Variants in SNTB2 observed in about 807,000 individuals in gnomAD.
SNTB2 encodes the protein beta-2-syntrophin.
Under a neutral mutation model 46.2 loss-of-function variants are expected in SNTB2, and 34 were observed. The observed-to-expected ratio is 0.74, with a 90% CI of 0.56 to 0.98. The LOEUF (loss-of-function observed/expected upper bound fraction) is 0.98, where lower values mean the gene tolerates loss of function less well. Ranked by LOEUF, SNTB2 falls within the 50% of genes least tolerant of loss-of-function variation. SNTB2 has a pLI of 0.00. For missense variants in SNTB2, 603 were observed against 731.4 expected (o/e 0.82, Z 2.02); for synonymous variants, 290 against 312.6 (o/e 0.93, Z 0.76).
intron 3 of SNTB2, among the ~76,000 whole-genome samples, chr16:69,266,364 AAAAACAAAACAAAAC>A (rs370954082): frequency 6.6e-6 from 1 of 152,186 alleles, no homozygotes; most frequent in Non-Finnish European, 1.5e-5. Flanking sequence ...AGTCTATTGT[AAAAACAAAACAAAAC>A]AAAACAAAAC....
chr16:69,250,746 C>T (rs1374901829), intron 2 of SNTB2, among the ~76,000 whole-genome samples: 1 of 151,812 alleles, frequency 6.6e-6, no homozygotes, highest in African/African-American at 2.4e-5. Context: ...CATGGTGGCA[C>T]ACACCTGTAA....
rs550497134 is a variant in SNTB2, at chr16:69,210,853, C to T, written c.580+23107C>T. 5.9e-5 allele frequency among the ~76,000 whole-genome samples: 9 copies of T among 152,116 alleles called. No homozygotes were observed. In the South Asian group the frequency reaches 1.7e-3, roughly 28 times the overall value. On this transcript the variant is annotated intron_variant, in intron 1 of 6. Coordinates refer to ENST00000336278, the MANE Select transcript of SNTB2 (RefSeq NM_006750.4). Reference sequence around the variant, plus strand: ...ACTAAAAATACAAAAATTAGTCAGGCGTGGTGGCGCGCTTGTAATCCCAGC... The same window carrying T: ...ACTAAAAATACAAAAATTAGTCAGGTGTGGTGGCGCGCTTGTAATCCCAGC...
At chr16:69,233,600 A>G (rs1964528989) in intron 1 of SNTB2, among the ~76,000 whole-genome samples, 1 of 152,148 alleles carries the variant, frequency 6.6e-6, no homozygotes, top group South Asian at 2.1e-4. Flanking sequence ...ATTTGGCAGT[A>G]CTTACCATGA....
rs1965259537 is a variant in SNTB2, at chr16:69,299,526, C to T, written c.1346-64C>T. The T allele has an allele frequency of 2.7e-6, 4 of 1,486,488 alleles. No individual in the cohort carries two copies. In the African/African-American group the frequency reaches 5.6e-5, roughly 21 times the overall value. The allele number at this position is 1,486,488 out of a possible 1,614,324, so 92.1% of individuals were successfully genotyped here. ...TTTCCTATTTTGAAGTCAGAAGATT[C>T]CCTTTTCACTTGATAACTGACATAG... On this transcript the variant is annotated intron_variant, in intron 5 of 6. Coordinates refer to ENST00000336278, the MANE Select transcript of SNTB2 (RefSeq NM_006750.4).
At chr16:69,279,071 C>G (rs1185158735) in intron 4 of SNTB2, among the ~76,000 whole-genome samples, 2 of 152,120 alleles carry the variant, frequency 1.3e-5, no homozygotes, top group Non-Finnish European at 2.9e-5. Context: ...TTTAAGTGTA[C>G]AGTAGATTAG....
At chr16:69,227,841 A>ATT (rs60387965) in intron 1 of SNTB2, among the ~76,000 whole-genome samples, 2,659 of 115,830 alleles carry the variant, frequency 0.023, 46 homozygotes, top group South Asian at 0.084. Flanking sequence ...GTTTCTCTGG[A>ATT]TTTTTTTTTT....
chr16:69,199,143 C>T (rs1465681631), intron 1 of SNTB2, among the ~76,000 whole-genome samples: 1 of 152,054 alleles, frequency 6.6e-6, no homozygotes, highest in African/African-American at 2.4e-5. Context: ...GATTCACCCG[C>T]CTTAGCCTGC....
intron 3 of SNTB2, among the ~76,000 whole-genome samples, chr16:69,262,678 T>C (rs1964845529): frequency 6.6e-6 from 1 of 152,060 alleles, no homozygotes; most frequent in African/African-American, 2.4e-5. Flanking sequence ...TATTTTGAAA[T>C]ATACAATTTT....
At chr16:69,279,978 C>G (rs1317022799) in intron 4 of SNTB2, among the ~76,000 whole-genome samples, 1 of 151,964 alleles carries the variant, frequency 6.6e-6, no homozygotes, top group African/African-American at 2.4e-5. Flanking sequence ...GAACAAAGGT[C>G]TCTGGTTTTC....
In SNTB2 at chr16:69,193,318, CTTTTTTTTTTTT is replaced by C. The variant is rs57663863; in HGVS notation, c.580+5589_580+5600del. Among the ~76,000 whole-genome samples the C allele has an allele frequency of 5.7e-5, 4 of 70,194 alleles. No homozygotes were observed. The South Asian group carries it at 1.3e-3, about 22-fold the overall frequency. The allele number at this position is 70,194 out of a possible 152,430, so 46.0% of individuals were successfully genotyped here. A position where few individuals can be genotyped will look rare whatever the true frequency, so the allele number is the denominator to read the frequency against. On this transcript the variant is annotated intron_variant, in intron 1 of 6. Transcript: ENST00000336278. Reference sequence around the variant, plus strand: ...TTGAAAGAGACTCAGATGGTATAGACTTTTTTTTTTTTTTTTTTTTTTTTTTTTGAGACAGTG... The same window carrying C: ...TTGAAAGAGACTCAGATGGTATAGACTTTTTTTTTTTTTTTTGAGACAGTG...
chr16:69,235,666 C>CT (rs940543141), intron 1 of SNTB2: 1 of 1,227,338 alleles, frequency 8.1e-7, no homozygotes, highest in African/African-American at 1.6e-5. Context: ...ACAAAAAACC[C>CT]TGGCACCAAT....
chr16:69,263,937 C>T (rs1265810215), intron 3 of SNTB2, among the ~76,000 whole-genome samples: 9 of 150,364 alleles, frequency 6.0e-5, no homozygotes, highest in African/African-American at 1.5e-4. Context: ...GGCGCAATCT[C>T]GGCTCACTGC....
intron 1 of SNTB2, among the ~76,000 whole-genome samples, chr16:69,195,709 A>G (rs544102851): frequency 6.6e-6 from 1 of 152,112 alleles, no homozygotes; most frequent in South Asian, 2.1e-4. Context: ...TGTAAGAAAA[A>G]CTGGAGGGTT....
At chr16:69,188,960 A>G (rs1025670274) in intron 1 of SNTB2, among the ~76,000 whole-genome samples, 1 of 152,170 alleles carries the variant, frequency 6.6e-6, no homozygotes. Context: ...GCAGGCAGGG[A>G]TGAGTCAGGA....
intron 2 of SNTB2, among the ~76,000 whole-genome samples, chr16:69,256,948 T>C (rs1461415558): frequency 1.3e-5 from 2 of 152,112 alleles, no homozygotes; most frequent in Non-Finnish European, 2.9e-5. Context: ...GGCAGGCGGA[T>C]CACTTGAGGT....
At chr16:69,213,689 G>C (rs1233440507) in intron 1 of SNTB2, among the ~76,000 whole-genome samples, 1 of 150,658 alleles carries the variant, frequency 6.6e-6, no homozygotes, top group East Asian at 2.0e-4. Context: ...TAGTAGAGAT[G>C]GGGTTTCACC....
intron 1 of SNTB2, among the ~76,000 whole-genome samples, chr16:69,206,757 T>C (rs925830709): frequency 2.0e-5 from 3 of 151,914 alleles, no homozygotes; most frequent in Admixed American, 6.6e-5. Flanking sequence ...TGGCTGCATT[T>C]TTATTTTTAT....
At chr16:69,285,321 G>T (rs546624288) in intron 5 of SNTB2, among the ~76,000 whole-genome samples, 3 of 148,730 alleles carry the variant, frequency 2.0e-5, no homozygotes, top group Non-Finnish European at 3.0e-5. Flanking sequence ...TTATAATACC[G>T]TATGTACAAC....
At chr16:69,212,792 A>T (rs1324283626) in intron 1 of SNTB2, among the ~76,000 whole-genome samples, 1 of 151,536 alleles carries the variant, frequency 6.6e-6, no homozygotes, top group African/African-American at 2.4e-5. Flanking sequence ...GCACTACCAC[A>T]CCTGGCTAAT....
Sources: gnomAD v4.1 joint callset for allele counts (sites outside exome capture counted in the v4.1 genomes callset) on GRCh38, gnomAD v4.1.1 for gene constraint, MANE v1.5 for transcripts, NCBI Gene and HGNC (gene_info 2026-07-23, HGNC 2026-07-21) for gene names.